Variants in GRIA4 observed in about 807,000 individuals in gnomAD.
GRIA4 encodes the protein glutamate receptor 4.
A neutral mutation model predicts 104.0 loss-of-function variants in GRIA4; 34 were observed. That is an observed-to-expected ratio of 0.33 (90% CI 0.25 to 0.44). The LOEUF (loss-of-function observed/expected upper bound fraction) is 0.44. Among genes scored for constraint, GRIA4 ranks in the 20% least tolerant of loss-of-function variants. The pLI is 1.00. For missense variants in GRIA4, 750 were observed against 1,096.5 expected, an observed-to-expected ratio of 0.68 and a Z score of 4.46; for synonymous variants, 386 against 381.9, an observed-to-expected ratio of 1.01 and a Z score of -0.13.
At chr11:105,839,448 T>TC (rs987449398) in intron 4 of GRIA4, among the ~76,000 whole-genome samples, 1 of 151,644 alleles carries the variant, frequency 6.6e-6, no homozygotes, top group Non-Finnish European at 1.5e-5. Context: ...GACTTCCTTT[T>TC]TTTTTTTTTT....
Position 105,979,570 on chromosome 11 carries a change from C to T in GRIA4, c.2545-5C>T. On this transcript the variant is annotated splice_polypyrimidine_tract_variant and splice_region_variant and intron_variant, in intron 16 of 16. Transcript: ENST00000282499. The stretch of plus-strand genomic sequence containing the variant: ...TTCTTTCTGCTTCCTTTCCATGCAA[C>T]CCAGCTGACCTTTTCTGAAGCCATA... 6.2e-7 allele frequency: 1 copy of T among 1,613,586 alleles called. No individual in the cohort carries two copies. The highest frequency in any genetic ancestry group is 8.5e-7 in the Non-Finnish European group (1 of 1,179,580).
chr11:105,677,707 T>C (rs1016209876), intron 3 of GRIA4, among the ~76,000 whole-genome samples: 1 of 151,922 alleles, frequency 6.6e-6, no homozygotes, highest in Non-Finnish European at 1.5e-5. Context: ...CATGCAGAAA[T>C]TTCAGTCTAC....
At chr11:105,959,128 C>T (rs1948668722) in intron 14 of GRIA4, among the ~76,000 whole-genome samples, 1 of 152,080 alleles carries the variant, frequency 6.6e-6, no homozygotes, top group African/African-American at 2.4e-5. Context: ...ATAGTGTTCT[C>T]TGTATTTCCT....
intron 3 of GRIA4, among the ~76,000 whole-genome samples, chr11:105,713,350 C>G (rs1953981924): frequency 6.6e-6 from 1 of 151,856 alleles, no homozygotes; most frequent in Admixed American, 6.6e-5. Context: ...CCACTGCACC[C>G]CAGCCAGGAA....
At chr11:105,716,725 C>G (rs1416835142) in intron 3 of GRIA4, among the ~76,000 whole-genome samples, 2 of 152,088 alleles carry the variant, frequency 1.3e-5, no homozygotes, top group Non-Finnish European at 2.9e-5. Flanking sequence ...TAGACACATC[C>G]TATTATGAAG....
Position 105,803,844 on chromosome 11 carries a change from CAAAAAAA to C in GRIA4, c.487+50636_487+50642del, listed in dbSNP as rs537440632. ...TAGGTGATTCTGATTGGTGCTATAC[CAAAAAAA>C]AAAAAAAAAAAGAGAGAGAGAGAGA... On this transcript the variant is annotated intron_variant, in intron 4 of 16. Coordinates refer to ENST00000282499, the MANE Select transcript of GRIA4 (RefSeq NM_000829.4). Among the ~76,000 whole-genome samples, 334 of 80,542 alleles carry C rather than the reference CAAAAAAA, an allele frequency of 4.1e-3. 12 individuals are homozygous for C. Among genetic ancestry groups the C allele is most frequent in the Non-Finnish European group, 8.9e-4 (31 of 34,946 alleles). The allele number at this position is 80,542 out of a possible 152,430, so 52.8% of individuals were successfully genotyped here.
intron 3 of GRIA4, among the ~76,000 whole-genome samples, chr11:105,726,974 T>C (rs886186405): frequency 6.6e-6 from 1 of 152,068 alleles, no homozygotes; most frequent in Non-Finnish European, 1.5e-5. Context: ...ACAATGCCTC[T>C]TCTCCTCCGA....
intron 3 of GRIA4, among the ~76,000 whole-genome samples, chr11:105,717,323 GA>G (rs558413616): frequency 3.2e-4 from 48 of 148,524 alleles, no homozygotes; most frequent in South Asian, 2.8e-3. Flanking sequence ...AGCATAAAAA[GA>G]AAAAAAAAAT....
intron 8 of GRIA4, among the ~76,000 whole-genome samples, chr11:105,904,562 C>G (rs1228512114): frequency 6.6e-6 from 1 of 152,090 alleles, no homozygotes; most frequent in South Asian, 2.1e-4. Flanking sequence ...CTTTAAATTG[C>G]TTTGTAACTT....
intron 14 of GRIA4, among the ~76,000 whole-genome samples, chr11:105,960,888 T>G (rs1948728196): frequency 1.3e-5 from 2 of 152,120 alleles, no homozygotes; most frequent in Non-Finnish European, 2.9e-5. Flanking sequence ...CTTCCCGGTG[T>G]GGGCCACCAC....
intron 4 of GRIA4, among the ~76,000 whole-genome samples, chr11:105,825,209 A>T (rs912654881): frequency 6.6e-6 from 1 of 152,062 alleles, no homozygotes; most frequent in South Asian, 2.1e-4. Flanking sequence ...AACAGCCTTG[A>T]GTTCTGCCCA....
intron 4 of GRIA4, among the ~76,000 whole-genome samples, chr11:105,823,595 A>G (rs1943655796): frequency 6.6e-6 from 1 of 152,098 alleles, no homozygotes; most frequent in Non-Finnish European, 1.5e-5. Context: ...TATCTGAAAC[A>G]TAATAAATAA....
At chr11:105,727,981 T>C (rs1938327236) in intron 3 of GRIA4, among the ~76,000 whole-genome samples, 1 of 152,022 alleles carries the variant, frequency 6.6e-6, no homozygotes, top group Admixed American at 6.6e-5. Flanking sequence ...ATGGGCAAAA[T>C]AACGAGCTAG....
chr11:105,620,044 T>C (rs1424732465), intron 3 of GRIA4, among the ~76,000 whole-genome samples: 1 of 151,926 alleles, frequency 6.6e-6, no homozygotes, highest in African/African-American at 2.4e-5. Flanking sequence ...AAGTGTTACA[T>C]ATTCTACATC....
At chr11:105,867,520 G>A (rs541919467) in intron 5 of GRIA4, among the ~76,000 whole-genome samples, 9 of 152,116 alleles carry the variant, frequency 5.9e-5, no homozygotes, top group Non-Finnish European at 2.9e-5. Flanking sequence ...CAGTTCCCCC[G>A]GACTCCCAAA....
At position 105,753,148 on chromosome 11, in the gene GRIA4, C is replaced by T. The variant is rs374264327; in HGVS notation, c.415C>T (p.Arg139Ter). 3.7e-6 allele frequency: 6 copies of T among 1,613,616 alleles called. No individual in the cohort carries two copies. Among genetic ancestry groups the T allele is most frequent in the Non-Finnish European group, 5.1e-6 (6 of 1,179,636 alleles). The change falls in exon 4 of 17, where the codon CGA becomes TGA. Residue 139 changes from arginine to a stop codon, truncating the protein, a stop_gained. Coordinates refer to ENST00000282499, the MANE Select transcript of GRIA4 (RefSeq NM_000829.4). LOFTEE classifies it high-confidence loss of function. ...QFVLQLRPSL[R>*]GALLSLLDHY... Reference sequence around the variant, plus strand: ...TGTGCTGCAACTAAGACCTTCGTTACGAGGAGCACTCTTGAGTTTGCTGGA... The same window carrying T: ...TGTGCTGCAACTAAGACCTTCGTTATGAGGAGCACTCTTGAGTTTGCTGGA...
intron 3 of GRIA4, among the ~76,000 whole-genome samples, chr11:105,636,990 C>T (rs1381010247): frequency 6.6e-6 from 1 of 152,056 alleles, no homozygotes; most frequent in Non-Finnish European, 1.5e-5. Flanking sequence ...CAGCATGTTG[C>T]AATACAAAAT....
intron 3 of GRIA4, chr11:105,613,690 A>C (rs1950533326): frequency 6.6e-6 from 1 of 152,166 alleles, no homozygotes; most frequent in Non-Finnish European, 1.5e-5. Context: ...ATAACATGAT[A>C]AAATTTTCTT....
At chr11:105,740,393 C>T (rs1257862097) in intron 3 of GRIA4, among the ~76,000 whole-genome samples, 21 of 152,152 alleles carry the variant, frequency 1.4e-4, no homozygotes, top group Admixed American at 1.4e-3. Context: ...GCCAGTCATT[C>T]CACACTCTCT....
Sources: allele counts gnomAD v4.1 joint callset (sites outside exome capture counted in the v4.1 genomes callset), GRCh38; gene constraint gnomAD v4.1.1; transcripts MANE v1.5; gene names NCBI Gene and HGNC (gene_info 2026-07-23, HGNC 2026-07-21).